Variants in CSMD1 observed in about 807,000 individuals in gnomAD.
The protein encoded by CSMD1 is CUB and Sushi multiple domains 1.
In CSMD1, 213 loss-of-function variants were observed where a neutral mutation model predicts 417.5. That is an observed-to-expected ratio of 0.51 (90% CI 0.46 to 0.57). The LOEUF (loss-of-function observed/expected upper bound fraction) is 0.57. Ranked by LOEUF, CSMD1 falls within the 20% of genes least tolerant of loss-of-function variation. The probability of loss-of-function intolerance (pLI) is 0.00; values close to 1 mark genes in which losing one functional copy is unlikely to be tolerated. For missense variants in CSMD1, 6,923 were observed against 4,529.7 expected (o/e 1.53, Z -15.17); for synonymous variants, 2,862 against 1,736.8 (o/e 1.65, Z -16.11).
chr8:4,103,265 T>TATA (rs1554449716), intron 3 of CSMD1, among the ~76,000 whole-genome samples: 7 of 150,092 alleles, frequency 4.7e-5, no homozygotes, highest in African/African-American at 1.7e-4. Flanking sequence ...TATACATACA[T>TATA]TATATATATC....
At chr8:2,949,701 T>C (rs1185517439) in intron 67 of CSMD1, among the ~76,000 whole-genome samples, 1 of 152,116 alleles carries the variant, frequency 6.6e-6, no homozygotes, top group Non-Finnish European at 1.5e-5. Context: ...AATTAAGAAA[T>C]AATCTACATT....
intron 10 of CSMD1, among the ~76,000 whole-genome samples, chr8:3,553,981 T>C (rs117516476): frequency 0.03 from 4,575 of 152,276 alleles, 101 homozygotes; most frequent in Non-Finnish European, 0.046. Flanking sequence ...GAATTATGGG[T>C]GAAATTTGCT....
intron 1 of CSMD1, among the ~76,000 whole-genome samples, chr8:4,862,833 T>A (rs1397497096): frequency 6.6e-6 from 1 of 151,918 alleles, no homozygotes; most frequent in Non-Finnish European, 1.5e-5. Flanking sequence ...GTTGAAGACC[T>A]CCCAAGTGTG....
intron 10 of CSMD1, among the ~76,000 whole-genome samples, chr8:3,544,133 G>A (rs1330099491): frequency 6.6e-6 from 1 of 152,084 alleles, no homozygotes; most frequent in Admixed American, 6.5e-5. Context: ...ACGAGCCTGG[G>A]ACGTGCTGGG....
chr8:4,904,117 T>C (rs1395877658), intron 1 of CSMD1, among the ~76,000 whole-genome samples: 3 of 152,188 alleles, frequency 2.0e-5, no homozygotes, highest in African/African-American at 4.8e-5. Context: ...TTCCAATGTA[T>C]GTTAGAATCA....
At chr8:4,421,327 A>G (rs1352069210) in intron 2 of CSMD1, among the ~76,000 whole-genome samples, 1 of 152,174 alleles carries the variant, frequency 6.6e-6, no homozygotes, top group Non-Finnish European at 1.5e-5. Flanking sequence ...AACCCTATAT[A>G]ACAGTATTTA....
At chr8:4,799,920 C>G (rs1188624205) in intron 1 of CSMD1, among the ~76,000 whole-genome samples, 2 of 152,160 alleles carry the variant, frequency 1.3e-5, no homozygotes, top group Non-Finnish European at 2.9e-5. Flanking sequence ...ATGCATGCAG[C>G]TTTCGAAAGC....
At chr8:3,460,131 G>T (rs925374637) in intron 12 of CSMD1, among the ~76,000 whole-genome samples, 9 of 152,244 alleles carry the variant, frequency 5.9e-5, no homozygotes, top group African/African-American at 2.2e-4. Flanking sequence ...GCAGCTCAGG[G>T]TGGTATAGGA....
At chr8:4,051,183 CTG>C (rs1798405340) in intron 3 of CSMD1, among the ~76,000 whole-genome samples, 2 of 15,608 alleles carry the variant, frequency 1.3e-4, no homozygotes, top group Non-Finnish European at 4.1e-4. Context: ...ACAATCCCTG[CTG>C]AGAATCTCTG....
At chr8:3,308,677 C>A (rs966943005) in intron 23 of CSMD1, among the ~76,000 whole-genome samples, 174 bp from the exon 24 acceptor site, 1 of 150,762 alleles carries the variant, frequency 6.6e-6, no homozygotes, top group Non-Finnish European at 1.5e-5. Flanking sequence ...CTATTTGTTA[C>A]CCATTTGTGA....
intron 5 of CSMD1, among the ~76,000 whole-genome samples, chr8:3,887,918 C>T (rs1806673814): frequency 1.3e-5 from 2 of 152,136 alleles, no homozygotes; most frequent in African/African-American, 2.4e-5. Context: ...ACATCAATTA[C>T]AATCAGGAAA....
At chr8:4,082,968 G>C (rs1041722515) in intron 3 of CSMD1, among the ~76,000 whole-genome samples, 26 of 151,738 alleles carry the variant, frequency 1.7e-4, no homozygotes, top group South Asian at 8.3e-4. Flanking sequence ...GGCTGAATAG[G>C]ACTCCATGGT....
intron 2 of CSMD1, among the ~76,000 whole-genome samples, chr8:4,572,466 G>C (rs192062219): frequency 7.7e-4 from 117 of 152,302 alleles, no homozygotes; most frequent in African/African-American, 2.7e-3. Context: ...CTGGCTAGTA[G>C]GGTTTCTGCA....
At chr8:4,587,652 A>C (rs2617076) in intron 2 of CSMD1, among the ~76,000 whole-genome samples, 103,798 of 151,920 alleles carry the variant, frequency 0.68, 36,535 homozygotes, top group African/African-American at 0.87. Context: ...CATTTACTGA[A>C]GAGAACTATG....
intron 3 of CSMD1, among the ~76,000 whole-genome samples, chr8:4,051,821 T>C (rs1272919787): frequency 6.6e-6 from 1 of 150,852 alleles, no homozygotes; most frequent in East Asian, 2.0e-4. Flanking sequence ...AGTTTTCTTC[T>C]CTTTCTTCTC....
chr8:3,456,335 A>G (rs1309105364), intron 12 of CSMD1, among the ~76,000 whole-genome samples: 1 of 105,772 alleles, frequency 9.5e-6, no homozygotes, highest in East Asian at 3.2e-4. Flanking sequence ...CCCCAGTGAC[A>G]TGAACGAGGT....
intron 15 of CSMD1, among the ~76,000 whole-genome samples, chr8:3,405,677 A>G (rs1812302937): frequency 6.6e-6 from 1 of 152,128 alleles, no homozygotes; most frequent in Admixed American, 6.5e-5. Context: ...ACAGGGACAG[A>G]CACACACACA....
intron 3 of CSMD1, among the ~76,000 whole-genome samples, chr8:4,144,417 C>A (rs145441874): frequency 6.6e-6 from 1 of 151,272 alleles, no homozygotes; most frequent in Admixed American, 6.6e-5. Context: ...CAGGAAAAAT[C>A]TGAAGTGAAG....
intron 3 of CSMD1, among the ~76,000 whole-genome samples, chr8:4,366,543 C>G (rs537435514): frequency 6.6e-6 from 1 of 152,286 alleles, no homozygotes; most frequent in African/African-American, 2.4e-5. Context: ...ATTCCACTCA[C>G]AGCATATAAA....
Sources: gnomAD v4.1 joint callset for allele counts (sites outside exome capture counted in the v4.1 genomes callset) on GRCh38, gnomAD v4.1.1 for gene constraint, MANE v1.5 for transcripts, NCBI Gene and HGNC (gene_info 2026-07-23, HGNC 2026-07-21) for gene names.